The following HIVEP3 variants were observed in gnomAD, a reference collection of about 807,000 sequenced individuals.
The protein encoded by HIVEP3 is HIVEP zinc finger 3.
Under a neutral mutation model 152.8 loss-of-function variants are expected in HIVEP3, and 49 were observed. That is an observed-to-expected ratio of 0.32 (90% confidence interval 0.26 to 0.41). The LOEUF (loss-of-function observed/expected upper bound fraction) is 0.41, where lower values mean the gene tolerates loss of function less well. HIVEP3 is among the 10% of genes least tolerant of loss of function. The probability of loss-of-function intolerance (pLI) is 1.00; values close to 1 mark genes in which losing one functional copy is unlikely to be tolerated. For missense variants in HIVEP3, 2,790 were observed against 3,103.3 expected, an observed-to-expected ratio of 0.90 and a Z score of 2.40; for synonymous variants, 1,269 against 1,289.0, an observed-to-expected ratio of 0.98 and a Z score of 0.33.
chr1:41,754,472 T>G (rs541788731), intron 1 of HIVEP3, among the ~76,000 whole-genome samples: 1 of 152,306 alleles, frequency 6.6e-6, no homozygotes, highest in African/African-American at 2.4e-5. Context: ...GTGGTCAACT[T>G]TTGAGTACAA....
chr1:41,706,441 C>A (rs550391899), intron 1 of HIVEP3, among the ~76,000 whole-genome samples: 6 of 152,158 alleles, frequency 3.9e-5, no homozygotes, highest in Non-Finnish European at 7.3e-5. Context: ...ACCACCACAC[C>A]TCGCTAATTT....
chr1:41,784,733 C>G (rs1458964279), intron 1 of HIVEP3, among the ~76,000 whole-genome samples: 1 of 152,226 alleles, frequency 6.6e-6, no homozygotes, highest in Non-Finnish European at 1.5e-5. Context: ...GGCCTAGAAT[C>G]AAGCCTTGTA....
chr1:42,007,161 AC>A (rs146308017), intron 1 of HIVEP3, among the ~76,000 whole-genome samples: 2,247 of 152,294 alleles, frequency 0.015, 49 homozygotes, highest in African/African-American at 0.051. Flanking sequence ...CCCTCTGCTT[AC>A]CCCCATCTCC....
At chr1:41,805,361 C>T (rs140248351) in intron 1 of HIVEP3, among the ~76,000 whole-genome samples, 1 of 152,280 alleles carries the variant, frequency 6.6e-6, no homozygotes, top group African/African-American at 2.4e-5. Flanking sequence ...AATAAAAAAT[C>T]AACTACATGA....
chr1:41,801,935 G>T (rs894877418), intron 1 of HIVEP3, among the ~76,000 whole-genome samples: 5 of 152,108 alleles, frequency 3.3e-5, no homozygotes, highest in African/African-American at 7.2e-5. Context: ...GTCAAGGAGT[G>T]GGGGGCAGGG....
At chr1:41,884,311 C>T (rs1237674488) in intron 1 of HIVEP3, among the ~76,000 whole-genome samples, 2 of 152,122 alleles carry the variant, frequency 1.3e-5, no homozygotes, top group Admixed American at 6.5e-5. Flanking sequence ...ATACTGTTTG[C>T]CTGTCTTTAA....
intron 1 of HIVEP3, among the ~76,000 whole-genome samples, chr1:41,904,694 T>C (rs904118944): frequency 3.3e-5 from 5 of 152,194 alleles, no homozygotes; most frequent in Middle Eastern, 3.2e-3. Flanking sequence ...CAAAGATCAA[T>C]TGTGCATTTT....
At chr1:41,976,430 C>A (rs967597270) in intron 1 of HIVEP3, among the ~76,000 whole-genome samples, 1 of 152,226 alleles carries the variant, frequency 6.6e-6, no homozygotes, top group Non-Finnish European at 1.5e-5. Flanking sequence ...TGCTTCCCAA[C>A]TACAGATTCA....
Position 41,918,157 on chromosome 1 carries a change from T to C in HIVEP3, c.-801+256A>G, listed in dbSNP as rs992145395. Reference sequence around the variant, plus strand: ...CCTGTGATTGACGCGCGGGGGTCACTTGAGGCTCGCGCCGCTCCCCAGCAC... The same window carrying C: ...CCTGTGATTGACGCGCGGGGGTCACCTGAGGCTCGCGCCGCTCCCCAGCAC... On this transcript the variant is annotated intron_variant, in intron 1 of 8. Transcript: ENST00000372583. The surrounding 1 kb of genome is among the most constrained non-coding windows in gnomAD (Gnocchi z 4.3). 1.7e-4 allele frequency among the ~76,000 whole-genome samples: 26 copies of C among 152,244 alleles called. No individual in the cohort carries two copies. The highest frequency in any genetic ancestry group is 3.4e-3 in the Middle Eastern group (1 of 292).
At chr1:42,034,534 G>A (rs987459534) in intron 1 of HIVEP3, among the ~76,000 whole-genome samples, 2 of 152,158 alleles carry the variant, frequency 1.3e-5, no homozygotes, top group Non-Finnish European at 2.9e-5. Context: ...TGCTTAACGA[G>A]CAGATAAAAG....
In HIVEP3 at chr1:41,583,926, G is replaced by A. The variant is rs1050294858; in HGVS notation, c.872C>T (p.Thr291Ile). 9 of 1,614,166 alleles carry A rather than the reference G, an allele frequency of 5.6e-6. No homozygotes were observed. Among genetic ancestry groups the A allele is most frequent in the Non-Finnish European group, 7.6e-6 (9 of 1,180,020 alleles). Residue 291 changes from threonine to isoleucine, a missense_variant, in exon 4 of 9, where the codon ACC (threonine) becomes ATC (isoleucine). By Grantham distance (89) the Thr-to-Ile change is moderately conservative (BLOSUM62 -1). Coordinates refer to ENST00000372583, the MANE Select transcript of HIVEP3 (RefSeq NM_024503.5). The surrounding 1 kb of genome is among the most constrained non-coding windows in gnomAD (Gnocchi z 6.9). The stretch of plus-strand genomic sequence containing the variant: ...GGAGAGCTCTGCAGGGTGACCAGAG[G>A]TGGCACTAGTCTCCTCTTCAGAATC... ...STDSEEETSA[T>I]SGHPAELSPR...
At chr1:41,526,503 C>T (rs541063609) in intron 5 of HIVEP3, among the ~76,000 whole-genome samples, 7 of 137,282 alleles carry the variant, frequency 5.1e-5, no homozygotes, top group East Asian at 4.4e-4. Flanking sequence ...CACTCCACAC[C>T]CCTGCCGTCA....
At chr1:41,843,306 T>C (rs1284738657) in intron 1 of HIVEP3, among the ~76,000 whole-genome samples, 1 of 152,210 alleles carries the variant, frequency 6.6e-6, no homozygotes, top group Non-Finnish European at 1.5e-5. Flanking sequence ...ACAAAGGACA[T>C]CACACGAAAT....
At chr1:41,566,769 G>C (rs1644170172) in intron 5 of HIVEP3, among the ~76,000 whole-genome samples, 1 of 152,090 alleles carries the variant, frequency 6.6e-6, no homozygotes, top group African/African-American at 2.4e-5. Flanking sequence ...TGGCATCCAG[G>C]ATTCACACTT....
intron 2 of HIVEP3, among the ~76,000 whole-genome samples, chr1:41,688,120 T>C (rs1325413174): frequency 1.3e-5 from 2 of 152,224 alleles, no homozygotes; most frequent in Non-Finnish European, 2.9e-5. Flanking sequence ...AGAAGCCAAC[T>C]GGGAAGTGAT....
chr1:41,760,686 G>T (rs527889336), intron 1 of HIVEP3, among the ~76,000 whole-genome samples: 1 of 152,182 alleles, frequency 6.6e-6, no homozygotes, highest in Non-Finnish European at 1.5e-5. Context: ...GGGGCTTGGG[G>T]GCCCTCTCCA....
rs75499119 is a variant in HIVEP3, at chr1:42,027,528, C to T, written n.119+8279G>A. On this transcript the variant is annotated intron_variant and non_coding_transcript_variant, in intron 1 of 3. Coordinates refer to the HIVEP3 transcript ENST00000489103. ...CTGCATTCCCTCCACCTCTCCTCTC[C>T]CATTATTTGTTGCATTCCAGCCACA... is the stretch of plus-strand genomic sequence containing the variant. 3.4e-3 allele frequency among the ~76,000 whole-genome samples: 519 copies of T among 152,264 alleles called. 1 individual carries two copies. The highest frequency in any genetic ancestry group is 0.012 in the African/African-American group (507 of 41,562).
chr1:41,621,541 G>T (rs547669150), intron 3 of HIVEP3, among the ~76,000 whole-genome samples: 143 of 152,280 alleles, frequency 9.4e-4, no homozygotes, highest in Admixed American at 2.2e-3. Context: ...TCGAGACAGG[G>T]TCTTGCTGTG....
chr1:41,871,691 A>G (rs1458725164), intron 1 of HIVEP3, among the ~76,000 whole-genome samples: 1 of 152,246 alleles, frequency 6.6e-6, no homozygotes, highest in East Asian at 1.9e-4. Context: ...TACGTGAAAC[A>G]TTATCCAAGA....
Sources: gnomAD v4.1 joint callset for allele counts (sites outside exome capture counted in the v4.1 genomes callset) on GRCh38, gnomAD v4.1.1 for gene constraint, Gnocchi (gnomAD v3.1) non-coding constraint, MANE v1.5 for transcripts, NCBI Gene and HGNC (gene_info 2026-07-23, HGNC 2026-07-21) for gene names.